Variants in CCDC138 observed in about 807,000 individuals in gnomAD.
CCDC138 encodes coiled-coil domain-containing protein 138.
In CCDC138, 66 loss-of-function variants were observed where a neutral mutation model predicts 82.3. The observed-to-expected ratio is 0.80, with a 90% confidence interval of 0.66 to 0.98. CCDC138 has a LOEUF of 0.98. Among genes scored for constraint, CCDC138 ranks in the 50% least tolerant of loss-of-function variants. The pLI, the probability that CCDC138 is intolerant of heterozygous loss-of-function variation, is 0.00. For synonymous variants in CCDC138, 297 were observed against 265.4 expected, an observed-to-expected ratio of 1.12 and a Z score of -1.16; for missense variants, 816 against 758.9, an observed-to-expected ratio of 1.08 and a Z score of -0.88.
chr2:108,860,219 A>G (rs1439993547), intron 13 of CCDC138, among the ~76,000 whole-genome samples: 1 of 152,024 alleles, frequency 6.6e-6, no homozygotes, highest in Admixed American at 6.5e-5. Context: ...CACTGAAGTC[A>G]TGTTTCAGGT....
chr2:108,845,236 A>G (rs1167174028), intron 11 of CCDC138, among the ~76,000 whole-genome samples: 1 of 152,190 alleles, frequency 6.6e-6, no homozygotes, highest in Non-Finnish European at 1.5e-5. Flanking sequence ...CTAATAATAT[A>G]AAAATTGTAC....
At chr2:108,873,262 G>A (rs1449026720) in intron 13 of CCDC138, among the ~76,000 whole-genome samples, 189 bp from the exon 14 acceptor site, 2 of 150,102 alleles carry the variant, frequency 1.3e-5, no homozygotes, top group Non-Finnish European at 3.0e-5. Flanking sequence ...TGTTTGCCTT[G>A]TTGAATAAGA....
At chr2:108,853,997 T>A (rs370319349) in intron 12 of CCDC138, among the ~76,000 whole-genome samples, 5 of 6,294 alleles carry the variant, frequency 7.9e-4, no homozygotes, top group African/African-American at 1.1e-3. Context: ...TATAATAAAT[T>A]TATATTATAT....
intron 10 of CCDC138, among the ~76,000 whole-genome samples, chr2:108,825,771 A>G (rs1473973954): frequency 6.6e-6 from 1 of 152,104 alleles, no homozygotes; most frequent in Non-Finnish European, 1.5e-5. Context: ...TTATCCACAA[A>G]TTTTTGTATG....
intron 6 of CCDC138, among the ~76,000 whole-genome samples, chr2:108,804,413 A>G (rs895891493): frequency 1.3e-5 from 2 of 152,210 alleles, no homozygotes; most frequent in African/African-American, 2.4e-5. Context: ...GCAGGCATCA[A>G]AAATTTTAGC....
At chr2:108,835,661 A>T (rs1438060910) in intron 10 of CCDC138, among the ~76,000 whole-genome samples, 1 of 152,216 alleles carries the variant, frequency 6.6e-6, no homozygotes. Context: ...CGAAAACATA[A>T]AAAATTTATT....
At chr2:108,874,408 C>G (rs1695717377) in intron 14 of CCDC138, among the ~76,000 whole-genome samples, 1 of 152,038 alleles carries the variant, frequency 6.6e-6, no homozygotes, top group African/African-American at 2.4e-5. Flanking sequence ...ATAAGGACAT[C>G]GATTTTAAGT....
intron 13 of CCDC138, among the ~76,000 whole-genome samples, chr2:108,860,975 A>T (rs1479158262): frequency 2.0e-5 from 2 of 99,706 alleles, no homozygotes; most frequent in African/African-American, 4.1e-5. Flanking sequence ...TAAGGTAAGG[A>T]TTCAATTTTG....
At chr2:108,851,109 G>A (rs571469771) in intron 12 of CCDC138, among the ~76,000 whole-genome samples, 18 of 152,230 alleles carry the variant, frequency 1.2e-4, no homozygotes, top group Admixed American at 2.0e-4. Context: ...AGAACTCAGC[G>A]AAACACTTAA....
chr2:108,786,763 G>T (rs1036252266), upstream of CCDC138: 1 of 1,474,372 alleles, frequency 6.8e-7, no homozygotes, highest in Non-Finnish European at 9.3e-7. Flanking sequence ...CTGCGGCCGC[G>T]TAGCGCCGCG....
chr2:108,810,398 A>G (rs1463461049), intron 7 of CCDC138, among the ~76,000 whole-genome samples: 1 of 152,196 alleles, frequency 6.6e-6, no homozygotes, highest in Non-Finnish European at 1.5e-5. Context: ...TGTCTATTGA[A>G]ATGATCGTAA....
rs933825718 is a variant in CCDC138, at chr2:108,802,810, A to G, written c.736-2079A>G. Among the ~76,000 whole-genome samples, 75 of 152,098 alleles carry G rather than the reference A, an allele frequency of 4.9e-4. 1 individual carries two copies. Among genetic ancestry groups the G allele is most frequent in the Admixed American group, 1.5e-3 (23 of 15,274 alleles). ...TTATTTTGAAATACGTCCCATCAAT[A>G]CCTAATTTATTGAGAGTTTTCAGCA... On this transcript the variant is annotated intron_variant, in intron 6 of 14. Coordinates refer to ENST00000295124, the MANE Select transcript of CCDC138 (RefSeq NM_144978.3).
At chr2:108,809,524 C>T (rs1209338790) in intron 7 of CCDC138, among the ~76,000 whole-genome samples, 2 of 149,994 alleles carry the variant, frequency 1.3e-5, no homozygotes, top group Non-Finnish European at 3.0e-5. Context: ...TTATAGTTTT[C>T]ATCGTGGAAA....
At chr2:108,796,433 T>C (rs558376607) in intron 5 of CCDC138, among the ~76,000 whole-genome samples, 1 of 152,286 alleles carries the variant, frequency 6.6e-6, no homozygotes, top group African/African-American at 2.4e-5. Flanking sequence ...GGAGGTTCCT[T>C]AAACTATAAG....
rs189802198 is a variant in CCDC138 at position 108,792,789 on chromosome 2, G to A, written c.394+987G>A. 5.7e-3 allele frequency among the ~76,000 whole-genome samples: 875 copies of A among 152,350 alleles called. 5 individuals are homozygous for A. Among genetic ancestry groups the A allele is most frequent in the Non-Finnish European group, 9.8e-3 (664 of 68,038 alleles). On this transcript the variant is annotated intron_variant, in intron 4 of 14. Transcript: ENST00000295124. ...GTTAAAACCACTGAGCGTCGGCCAG[G>A]CGCGGTGGCTCACGCCTGTAATCCC...
intron 7 of CCDC138, among the ~76,000 whole-genome samples, chr2:108,812,073 G>A (rs896810883): frequency 6.6e-6 from 1 of 152,056 alleles, no homozygotes; most frequent in Non-Finnish European, 1.5e-5. Context: ...AATCTAAAGA[G>A]AGATGTGCAA....
intron 13 of CCDC138, 82 bp from the exon 14 acceptor site, chr2:108,873,369 C>A: frequency 8.3e-7 from 1 of 1,202,460 alleles, no homozygotes. Context: ...ATAAATGCCT[C>A]ACATAGTTCT....
At chr2:108,850,478 G>A (rs572361619) in intron 12 of CCDC138, among the ~76,000 whole-genome samples, 5 of 152,164 alleles carry the variant, frequency 3.3e-5, no homozygotes, top group African/African-American at 1.2e-4. Context: ...TGGAGACAGA[G>A]TTTCACCCTG....
At chr2:108,874,530 C>T (rs145894676) in intron 14 of CCDC138, among the ~76,000 whole-genome samples, 147 of 152,234 alleles carry the variant, frequency 9.7e-4, no homozygotes, top group African/African-American at 3.3e-3. Flanking sequence ...GATTTAGGTT[C>T]AGCTCTTCTC....
Sources: gnomAD v4.1 joint callset for allele counts (sites outside exome capture counted in the v4.1 genomes callset) on GRCh38, gnomAD v4.1.1 for gene constraint, MANE v1.5 for transcripts, NCBI Gene and HGNC (gene_info 2026-07-23, HGNC 2026-07-21) for gene names.